Variants in MTMR14 observed in about 807,000 individuals in gnomAD.
The protein encoded by MTMR14 is phosphatidylinositol-3,5-bisphosphate 3-phosphatase MTMR14.
MTMR14 carries 48 observed loss-of-function variants against 86.3 expected under a neutral mutation model. The observed-to-expected ratio is 0.56, with a 90% CI of 0.44 to 0.71. The LOEUF (loss-of-function observed/expected upper bound fraction) is 0.71, where lower values mean the gene tolerates loss of function less well. Among genes scored for constraint, MTMR14 ranks in the 30% least tolerant of loss-of-function variants. The pLI, the probability that MTMR14 is intolerant of heterozygous loss-of-function variation, is 0.00. For synonymous variants in MTMR14, 366 were observed against 326.1 expected (o/e 1.12, Z -1.32); for missense variants, 780 against 834.6 (o/e 0.93, Z 0.81).
intron 17 of MTMR14, 64 bp downstream of exon 17, chr3:9,690,207 G>T: frequency 6.4e-7 from 1 of 1,574,672 alleles, no homozygotes; most frequent in Non-Finnish European, 8.7e-7. Context: ...AAGACTGGAG[G>T]GTCGGGGGCC....
intron 5 of MTMR14, among the ~76,000 whole-genome samples, 177 bp downstream of exon 5, chr3:9,669,669 G>GGTAGCAGCC (rs2125119106): frequency 6.6e-6 from 1 of 152,282 alleles, no homozygotes; most frequent in African/African-American, 2.4e-5. Context: ...AAGTCCACTG[G>GGTAGCAGCC]GTAGCAGCCA....
At chr3:9,652,627 G>A (rs187477690) in intron 1 of MTMR14, among the ~76,000 whole-genome samples, 68 of 151,882 alleles carry the variant, frequency 4.5e-4, no homozygotes, top group African/African-American at 1.5e-3. Flanking sequence ...CACCCAGGAG[G>A]CAGAGGTTGC....
intron 17 of MTMR14, 133 bp from the exon 18 acceptor site, chr3:9,697,578 T>C: frequency 9.6e-7 from 1 of 1,041,464 alleles, no homozygotes; most frequent in Non-Finnish European, 1.4e-6. Context: ...CTTTTTTTTT[T>C]AGACTTTTGG....
chr3:9,684,760 TCAGAG>T, intron 11 of MTMR14, 90 bp downstream of exon 11: 1 of 1,550,950 alleles, frequency 6.4e-7, no homozygotes, highest in Non-Finnish European at 8.9e-7. Context: ...ATGCCATCGC[TCAGAG>T]CAGATGTGTT....
At position 9,649,632 on chromosome 3, in the gene MTMR14, G is replaced by C; in HGVS notation, c.49G>C (p.Ala17Pro). The part of the protein sequence containing the change: ...AAAAASAGSS[A>P]SSGNQPPQEL... ...CGCCGCTGCCTCGGCGGGGTCCTCG[G>C]CCTCTTCAGGCAACCAGCCGCCTCA... is the stretch of plus-strand genomic sequence containing the variant. Residue 17 changes from alanine to proline, a missense_variant, in exon 1 of 19, where the codon GCC becomes CCC. By Grantham distance (27) the Ala-to-Pro change is conservative. Transcript: ENST00000296003. The C allele has an allele frequency of 5.8e-6, 9 of 1,564,220 alleles. No homozygotes were observed. The highest frequency in any genetic ancestry group is 6.9e-6 in the Non-Finnish European group (8 of 1,155,650).
chr3:9,667,425 T>C (rs971213134), intron 3 of MTMR14, among the ~76,000 whole-genome samples: 2 of 152,152 alleles, frequency 1.3e-5, no homozygotes, highest in Non-Finnish European at 2.9e-5. Context: ...TGTAAGTAGA[T>C]TATGATGTGT....
chr3:9,668,182 C>G (rs756552207), intron 3 of MTMR14, among the ~76,000 whole-genome samples: 5 of 152,182 alleles, frequency 3.3e-5, no homozygotes, highest in Non-Finnish European at 4.4e-5. Flanking sequence ...CTCACTCACC[C>G]CTTGCCCCCG....
At chr3:9,672,807 G>A in intron 7 of MTMR14, 49 bp downstream of exon 7, 4 of 1,559,552 alleles carry the variant, frequency 2.6e-6, no homozygotes, top group Non-Finnish European at 3.5e-6. Flanking sequence ...GGGGACCTTG[G>A]GGGCCATGAG....
chr3:9,666,298 T>C (rs1250334681), intron 3 of MTMR14, among the ~76,000 whole-genome samples: 1 of 152,024 alleles, frequency 6.6e-6, no homozygotes, highest in Non-Finnish European at 1.5e-5. Flanking sequence ...CACACCTGGC[T>C]AATTTTGTCT....
chr3:9,652,736 T>A (rs956418503), intron 1 of MTMR14, among the ~76,000 whole-genome samples: 1 of 148,910 alleles, frequency 6.7e-6, no homozygotes. Context: ...CCAGGCATGG[T>A]GGCTCACACC....
At chr3:9,687,387 C>G (rs1281273006) in intron 13 of MTMR14, among the ~76,000 whole-genome samples, 1 of 151,952 alleles carries the variant, frequency 6.6e-6, no homozygotes, top group Non-Finnish European at 1.5e-5. Flanking sequence ...AACCCTGTCT[C>G]TAATAAAAAT....
chr3:9,653,488 C>T, intron 1 of MTMR14, 133 bp from the exon 2 acceptor site: 1 of 1,151,252 alleles, frequency 8.7e-7, no homozygotes, highest in South Asian at 1.3e-5. Flanking sequence ...CCTAGCATCA[C>T]ATCTTCCCAG....
intron 12 of MTMR14, 62 bp downstream of exon 12, chr3:9,685,026 T>C (rs2075891135): frequency 1.3e-6 from 2 of 1,553,186 alleles, no homozygotes. Flanking sequence ...GTGAGTTGTG[T>C]GGTGGCTCCC....
At chr3:9,690,816 T>G (rs2076117156) in intron 17 of MTMR14, among the ~76,000 whole-genome samples, 2 of 152,200 alleles carry the variant, frequency 1.3e-5, no homozygotes, top group Admixed American at 6.5e-5. Context: ...GTTTTGAGAA[T>G]GTCTAGCCTT....
chr3:9,672,791 AG>A (rs2048644654), intron 7 of MTMR14, 33 bp downstream of exon 7: 1 of 1,601,982 alleles, frequency 6.2e-7, no homozygotes, highest in South Asian at 1.1e-5. Context: ...CAGGCATCCT[AG>A]GACTGGGGAC....
intron 9 of MTMR14, among the ~76,000 whole-genome samples, chr3:9,681,825 T>C (rs1266836619): frequency 2.0e-5 from 3 of 151,912 alleles, no homozygotes; most frequent in African/African-American, 7.3e-5. Context: ...AGGGCTGGAT[T>C]TATCCCTCAG....
intron 2 of MTMR14, among the ~76,000 whole-genome samples, chr3:9,656,918 G>C (rs1243152401): frequency 6.6e-6 from 1 of 151,314 alleles, no homozygotes; most frequent in East Asian, 1.9e-4. Context: ...AATCAAGGTG[G>C]GTTTTTTTGT....
chr3:9,694,565 G>T (rs1322156142), intron 17 of MTMR14, among the ~76,000 whole-genome samples: 1 of 152,142 alleles, frequency 6.6e-6, no homozygotes, highest in African/African-American at 2.4e-5. Flanking sequence ...GATGGATGGA[G>T]TAAATACTCA....
chr3:9,661,902 C>T (rs1031203949), intron 2 of MTMR14, among the ~76,000 whole-genome samples: 1 of 151,916 alleles, frequency 6.6e-6, no homozygotes, highest in East Asian at 1.9e-4. Context: ...GCCTGGCCAA[C>T]GTGGTGAAAC....
Sources: gnomAD v4.1 joint callset for allele counts (sites outside exome capture counted in the v4.1 genomes callset) on GRCh38, gnomAD v4.1.1 for gene constraint, MANE v1.5 for transcripts, NCBI Gene and HGNC (gene_info 2026-07-23, HGNC 2026-07-21) for gene names.